HOMER1: variants seen among roughly 807,000 people sequenced by gnomAD.
The protein encoded by HOMER1 is homer scaffold protein 1.
Under a neutral mutation model 48.9 loss-of-function variants are expected in HOMER1, and 3 were observed. That is an observed-to-expected ratio of 0.06 (90% CI 0.03 to 0.16). The LOEUF (loss-of-function observed/expected upper bound fraction) is 0.16. Ranked by LOEUF, HOMER1 falls within the 10% of genes least tolerant of loss-of-function variation. The probability of loss-of-function intolerance (pLI) is 1.00; values close to 1 mark genes in which losing one functional copy is unlikely to be tolerated. For missense variants in HOMER1, 247 were observed against 411.4 expected (o/e 0.60, Z 3.46); for synonymous variants, 134 against 146.4 (o/e 0.92, Z 0.61).
chr5:79,502,983 G>A (rs1253054599), intron 1 of HOMER1, among the ~76,000 whole-genome samples: 3 of 97,408 alleles, frequency 3.1e-5, no homozygotes, highest in Non-Finnish European at 6.7e-5. Flanking sequence ...GTAGAGACAG[G>A]GTTTCACCGT....
At chr5:79,383,899 T>C (rs553686193) in intron 8 of HOMER1, among the ~76,000 whole-genome samples, 36 of 152,166 alleles carry the variant, frequency 2.4e-4, no homozygotes, top group African/African-American at 8.7e-4. Context: ...TACATGCTCC[T>C]GAGCAACCAT....
chr5:79,404,661 T>C (rs1749617471), intron 5 of HOMER1, among the ~76,000 whole-genome samples: 5 of 152,202 alleles, frequency 3.3e-5, no homozygotes, highest in Admixed American at 3.3e-4. Context: ...AAAGTTCTAC[T>C]GAACAGTACT....
At position 79,412,129 on chromosome 5, in the gene HOMER1, A is replaced by G. The variant is rs572984989; in HGVS notation, c.528-10074T>C. Among the ~76,000 whole-genome samples the G allele has an allele frequency of 2.6e-5, 4 of 152,312 alleles. No homozygotes were observed. In the South Asian group the frequency reaches 8.3e-4, roughly 32 times the overall value. ...GCATGACTCCATCTCAAAAAATTAA[A>G]TTAAATTAAATCAAATTAAAATAAA... On this transcript the variant is annotated intron_variant, in intron 5 of 8. Transcript: ENST00000334082.
intron 4 of HOMER1, 134 bp downstream of exon 4, chr5:79,446,919 C>G (rs1271320753): frequency 1.7e-6 from 1 of 588,736 alleles, no homozygotes; most frequent in Non-Finnish European, 3.0e-6. Flanking sequence ...CTATCAAAGT[C>G]CTGGGATTAC....
intron 2 of HOMER1, among the ~76,000 whole-genome samples, chr5:79,453,919 C>A (rs897452886): frequency 6.6e-6 from 1 of 152,020 alleles, no homozygotes; most frequent in Non-Finnish European, 1.5e-5. Flanking sequence ...AACAACCACT[C>A]CTGTAGGAAC....
intron 8 of HOMER1, among the ~76,000 whole-genome samples, chr5:79,393,816 A>G (rs1749311560): frequency 6.6e-6 from 1 of 152,186 alleles, no homozygotes; most frequent in Non-Finnish European, 1.5e-5. Flanking sequence ...TGATACCTCT[A>G]TATGGGAGAA....
intron 1 of HOMER1, among the ~76,000 whole-genome samples, chr5:79,460,975 G>T (rs1412182410): frequency 6.6e-6 from 1 of 152,172 alleles, no homozygotes; most frequent in African/African-American, 2.4e-5. Context: ...GGAAGGGGAA[G>T]ATGAAGTCAG....
intron 2 of HOMER1, among the ~76,000 whole-genome samples, chr5:79,455,645 T>C (rs1021225480): frequency 3.9e-5 from 6 of 152,322 alleles, no homozygotes; most frequent in Admixed American, 2.0e-4. Context: ...AAGCAGGTAG[T>C]AGAAACAAAA....
intron 5 of HOMER1, among the ~76,000 whole-genome samples, chr5:79,405,738 G>T (rs1342443069): frequency 6.6e-6 from 1 of 152,182 alleles, no homozygotes; most frequent in African/African-American, 2.4e-5. Flanking sequence ...TATTCACTAT[G>T]AAATAAGTGC....
intron 8 of HOMER1, among the ~76,000 whole-genome samples, chr5:79,396,286 T>A (rs147422712): frequency 1.1e-3 from 169 of 147,252 alleles, no homozygotes; most frequent in African/African-American, 4.2e-3. Flanking sequence ...CATACATTAG[T>A]ACATTGTAAA....
intron 3 of HOMER1, 72 bp downstream of exon 3, chr5:79,450,918 T>G: frequency 7.1e-7 from 1 of 1,405,642 alleles, no homozygotes; most frequent in Non-Finnish European, 9.9e-7. Context: ...ATACTCTCCA[T>G]TTGGTATTAT....
intron 5 of HOMER1, among the ~76,000 whole-genome samples, chr5:79,402,651 C>T (rs1426961992): frequency 6.6e-6 from 1 of 152,038 alleles, no homozygotes; most frequent in African/African-American, 2.4e-5. Context: ...GAGTTTCCAC[C>T]CATTCTCTTT....
chr5:79,413,853 GA>G (rs1749872186), intron 5 of HOMER1, among the ~76,000 whole-genome samples: 1 of 151,920 alleles, frequency 6.6e-6, no homozygotes, highest in African/African-American at 2.4e-5. Flanking sequence ...CCTTTTAAAG[GA>G]AAGAAATGAA....
In HOMER1 at chr5:79,397,494, C is replaced by T. The variant is rs755304744; in HGVS notation, c.795+33G>A. 2.6e-6 allele frequency: 3 copies of T among 1,165,324 alleles called. No homozygotes were observed. In the South Asian group the frequency reaches 3.8e-5, roughly 15 times the overall value. 72.2% of individuals were successfully genotyped at this position (1,165,324 alleles called of 1,614,324 possible). On this transcript the variant is annotated intron_variant, in intron 7 of 8. Transcript: ENST00000334082. The stretch of plus-strand genomic sequence containing the variant: ...CTAATACTTTGTACAAACATGTTAG[C>T]TAGATTACAGATGAGTAAAAAGCAG...
chr5:79,375,904 A>T lies in HOMER1; in HGVS notation c.*105T>A, dbSNP rs1487405178. 101 of 352,738 alleles carry T rather than the reference A, an allele frequency of 2.9e-4. No individual in the cohort carries two copies. The highest frequency in any genetic ancestry group is 5.7e-4 in the South Asian group (5 of 8,698). The allele number at this position is 352,738 out of a possible 1,614,324, so 21.9% of individuals were successfully genotyped here. A position where few individuals can be genotyped will look rare whatever the true frequency, so the allele number is the denominator to read the frequency against. On this transcript the variant is annotated 3_prime_UTR_variant, in exon 9 of 9. Coordinates refer to ENST00000334082, the MANE Select transcript of HOMER1 (RefSeq NM_004272.5). ...CCTCCTCCTGGAGGAGTGATATTCA[A>T]TTTTTTTTTTTTTTTTTTTGTGCAA... is the stretch of plus-strand genomic sequence containing the variant.
At position 79,372,692 on chromosome 5, in the gene HOMER1, G is replaced by A. The variant is rs1353883535; in HGVS notation, c.*3317C>T. The A allele has an allele frequency of 2.0e-5, 3 of 152,130 alleles. No individual in the cohort carries two copies. The highest frequency in any genetic ancestry group is 1.9e-4 in the East Asian group (1 of 5,184). 9.4% of individuals were successfully genotyped at this position (152,130 alleles called of 1,614,324 possible). A position where few individuals can be genotyped will look rare whatever the true frequency, so the allele number is the denominator to read the frequency against. Reference sequence around the variant, plus strand: ...CACTGCCATCAAACAAACTTTCCCCGACCTGCCTCCCATTCCAGTACTGAC... The same window carrying A: ...CACTGCCATCAAACAAACTTTCCCCAACCTGCCTCCCATTCCAGTACTGAC... On this transcript the variant is annotated 3_prime_UTR_variant, in exon 9 of 9. Coordinates refer to ENST00000334082, the MANE Select transcript of HOMER1 (RefSeq NM_004272.5).
chr5:79,378,222 C>CAAAAAAAAAAAAAAAAAAAAAAAAAAAAA (rs58802660), intron 8 of HOMER1, among the ~76,000 whole-genome samples: 3 of 85,560 alleles, frequency 3.5e-5, no homozygotes, highest in African/African-American at 1.2e-4. Flanking sequence ...GACTCTGTCT[C>CAAAAAAAAAAAAAAAAAAAAAAAAAAAAA]AAAAAAAAAA....
intron 5 of HOMER1, among the ~76,000 whole-genome samples, chr5:79,406,543 G>A (rs1229006800): frequency 6.6e-6 from 1 of 152,178 alleles, no homozygotes; most frequent in African/African-American, 2.4e-5. Context: ...ACTAGAGAAA[G>A]GATCCTGGAT....
intron 6 of HOMER1, among the ~76,000 whole-genome samples, chr5:79,400,019 C>T (rs1224953590): frequency 6.6e-6 from 1 of 151,958 alleles, no homozygotes; most frequent in Admixed American, 6.6e-5. Context: ...TTCTTAAGGG[C>T]AGAGATTACA....
Sources: allele counts gnomAD v4.1 joint callset (sites outside exome capture counted in the v4.1 genomes callset), GRCh38; gene constraint gnomAD v4.1.1; transcripts MANE v1.5; gene names NCBI Gene and HGNC (gene_info 2026-07-23, HGNC 2026-07-21).